The following EIF3H variants were observed in gnomAD, a reference collection of about 807,000 sequenced individuals.
EIF3H encodes the protein eukaryotic translation initiation factor 3 subunit H.
Under a neutral mutation model 44.2 loss-of-function variants are expected in EIF3H, and 26 were observed. The ratio of observed to expected loss-of-function variants is 0.59; its 90% CI spans 0.43 to 0.82. The LOEUF (loss-of-function observed/expected upper bound fraction) is 0.82, where lower values mean the gene tolerates loss of function less well. Ranked by LOEUF, EIF3H falls within the 40% of genes least tolerant of loss-of-function variation. EIF3H has a pLI of 0.00. For synonymous variants in EIF3H, 166 were observed against 151.9 expected (o/e 1.09, Z -0.68); for missense variants, 359 against 432.8 (o/e 0.83, Z 1.51).
chr8:116,721,965 A>T (rs933631577), intron 2 of EIF3H, among the ~76,000 whole-genome samples: 3 of 152,172 alleles, frequency 2.0e-5, no homozygotes, highest in African/African-American at 7.2e-5. Flanking sequence ...TGCTGAACTG[A>T]GTTAAGACTT....
intron 1 of EIF3H, chr8:116,737,595 T>G (rs147234037): frequency 0.017 from 3,067 of 185,082 alleles, 34 homozygotes; most frequent in Non-Finnish European, 0.024. Flanking sequence ...AGGCGGAGGA[T>G]GCAGTGAGCT....
chr8:116,729,204 T>C (rs1377012670), intron 1 of EIF3H, among the ~76,000 whole-genome samples: 1 of 152,184 alleles, frequency 6.6e-6, no homozygotes, highest in Non-Finnish European at 1.5e-5. Flanking sequence ...GAGCTTAACA[T>C]AGTTCTTCAG....
Position 116,656,018 on chromosome 8 carries a change from T to G in EIF3H, c.558-13A>C. 1 of 1,611,590 alleles carries G rather than the reference T, an allele frequency of 6.2e-7. No individual in the cohort carries two copies. The highest frequency in any genetic ancestry group is 8.5e-7 in the Non-Finnish European group (1 of 1,178,956). ...TGCTTTTTTCAATCTGTGAAGCATG[T>G]TAAAAATACTTTAGTCTGATGGTCA... On this transcript the variant is annotated splice_polypyrimidine_tract_variant and intron_variant, in intron 4 of 7. Coordinates refer to ENST00000521861, the MANE Select transcript of EIF3H (RefSeq NM_003756.3).
In EIF3H at chr8:116,645,919, T is replaced by A. The variant is rs569010213; in HGVS notation, c.961+552A>T. Among the ~76,000 whole-genome samples the A allele has an allele frequency of 2.4e-4, 37 of 152,302 alleles. No individual in the cohort carries two copies. In the East Asian group the frequency reaches 6.6e-3, roughly 27 times the overall value. ...ATGGCATTTAACATTTCTATAAGATTATAGCCAAATAAGGGCATGAATGTC... is the reference window on the plus strand; with the variant it reads ...ATGGCATTTAACATTTCTATAAGATAATAGCCAAATAAGGGCATGAATGTC... On this transcript the variant is annotated intron_variant, in intron 7 of 7. Transcript: ENST00000521861.
chr8:116,670,998 A>T lies in EIF3H; in HGVS notation c.290-12018T>A, dbSNP rs1259739145. ...AATATTGGACGGCAAAAACATTACTACAGAAAGATGTCCGAAGGCTACAAA... is the reference window on the plus strand; with the variant it reads ...AATATTGGACGGCAAAAACATTACTTCAGAAAGATGTCCGAAGGCTACAAA... On this transcript the variant is annotated intron_variant, in intron 2 of 7. Transcript: ENST00000521861. Among the ~76,000 whole-genome samples the T allele has an allele frequency of 2.0e-5, 3 of 152,356 alleles. No individual in the cohort carries two copies. In the East Asian group the frequency reaches 5.8e-4, roughly 29 times the overall value.
intron 2 of EIF3H, among the ~76,000 whole-genome samples, chr8:116,721,502 C>T (rs915040118): frequency 2.4e-4 from 36 of 152,190 alleles, no homozygotes; most frequent in Admixed American, 1.1e-3. Context: ...TGTGAGAAGA[C>T]GGCCACCGTC....
chr8:116,653,768 A>G (rs1813437690), intron 5 of EIF3H, among the ~76,000 whole-genome samples: 1 of 152,212 alleles, frequency 6.6e-6, no homozygotes, highest in Non-Finnish European at 1.5e-5. Context: ...CTGTTATGGA[A>G]TAACTATTAC....
chr8:116,727,006 T>A (rs191717783), intron 1 of EIF3H, among the ~76,000 whole-genome samples: 1 of 152,204 alleles, frequency 6.6e-6, no homozygotes, highest in Non-Finnish European at 1.5e-5. Flanking sequence ...AGGCAACACA[T>A]TCAAAATTGT....
At chr8:116,704,359 C>CA (rs1274227973) in intron 2 of EIF3H, among the ~76,000 whole-genome samples, 2 of 152,192 alleles carry the variant, frequency 1.3e-5, no homozygotes, top group Non-Finnish European at 2.9e-5. Flanking sequence ...CGAATGTTAG[C>CA]AATTACAACT....
intron 2 of EIF3H, among the ~76,000 whole-genome samples, chr8:116,672,099 T>C (rs1813768010): frequency 6.6e-6 from 1 of 152,294 alleles, no homozygotes; most frequent in South Asian, 2.1e-4. Context: ...GCAATGAGTA[T>C]CCTTGTTAGA....
intron 2 of EIF3H, among the ~76,000 whole-genome samples, chr8:116,685,687 T>A (rs1378152222): frequency 1.3e-5 from 2 of 152,194 alleles, no homozygotes; most frequent in African/African-American, 2.4e-5. Flanking sequence ...AGAGATGGCA[T>A]TATTAACTCA....
chr8:116,702,602 G>C (rs185683261), intron 2 of EIF3H, among the ~76,000 whole-genome samples: 1 of 152,220 alleles, frequency 6.6e-6, no homozygotes, highest in Non-Finnish European at 1.5e-5. Context: ...AGCATAGTAG[G>C]GACTCAGTGG....
intron 2 of EIF3H, among the ~76,000 whole-genome samples, chr8:116,664,486 G>T (rs915195108): frequency 1.3e-5 from 2 of 152,152 alleles, no homozygotes; most frequent in Non-Finnish European, 2.9e-5. Context: ...GCAGAATAAC[G>T]AAACAGCATT....
chr8:116,714,782 TA>T (rs377064672), intron 2 of EIF3H, among the ~76,000 whole-genome samples: 35 of 152,190 alleles, frequency 2.3e-4, no homozygotes, highest in East Asian at 1.5e-3. Context: ...GTCATACAGA[TA>T]GGGGGTAAGA....
intron 5 of EIF3H, among the ~76,000 whole-genome samples, chr8:116,650,602 T>C (rs1331922108): frequency 6.6e-6 from 1 of 152,202 alleles, no homozygotes; most frequent in Non-Finnish European, 1.5e-5. Context: ...CCCCACAACA[T>C]GGATGAACCT....
In EIF3H at chr8:116,658,820, G is replaced by A. The variant is rs1210190761; in HGVS notation, c.450C>T (p.Leu150=). 3.7e-6 allele frequency: 6 copies of A among 1,610,944 alleles called. No individual in the cohort carries two copies. The highest frequency in any genetic ancestry group is 5.1e-6 in the Non-Finnish European group (6 of 1,179,070). Residue 150 remains leucine, a synonymous_variant, in exon 3 of 8, where the codon CTC becomes CTT. Coordinates refer to ENST00000521861, the MANE Select transcript of EIF3H (RefSeq NM_003756.3). The part of the protein sequence containing the change: ...YQHAIEESVV[L]IYDPIKTAQG... ...AATAAACCTCCTACTAACCATAAAT[G>A]AGAACGACAGATTCTTCAATGGCAT...
intron 2 of EIF3H, among the ~76,000 whole-genome samples, chr8:116,683,663 G>A (rs900523474): frequency 1.2e-4 from 19 of 152,102 alleles, no homozygotes; most frequent in African/African-American, 2.2e-4. Flanking sequence ...TATTTAAACC[G>A]TAAATTTTGT....
intron 5 of EIF3H, among the ~76,000 whole-genome samples, chr8:116,649,898 C>T (rs1813361329): frequency 1.3e-5 from 2 of 152,022 alleles, no homozygotes; most frequent in South Asian, 4.2e-4. Flanking sequence ...GTCAGCTATG[C>T]CAAAAATATT....
chr8:116,743,338 A>C (rs1024367712), intron 1 of EIF3H, among the ~76,000 whole-genome samples: 1 of 152,182 alleles, frequency 6.6e-6, no homozygotes, highest in Non-Finnish European at 1.5e-5. Flanking sequence ...CTATAGTCCC[A>C]GCTACTAGAA....
Sources: gnomAD v4.1 joint callset for allele counts (sites outside exome capture counted in the v4.1 genomes callset) on GRCh38, gnomAD v4.1.1 for gene constraint, MANE v1.5 for transcripts, NCBI Gene and HGNC (gene_info 2026-07-23, HGNC 2026-07-21) for gene names.